Variants in TMPRSS3 observed in about 807,000 individuals in gnomAD.
The protein encoded by TMPRSS3 is transmembrane serine protease 3.
A neutral mutation model predicts 59.6 loss-of-function variants in TMPRSS3; 55 were observed. The observed-to-expected ratio is 0.92, with a 90% CI of 0.74 to 1.16. The LOEUF (loss-of-function observed/expected upper bound fraction) is 1.16, where lower values mean the gene tolerates loss of function less well. Among genes scored for constraint, TMPRSS3 ranks in the 50% most tolerant of loss-of-function variants. The pLI is 0.00. For synonymous variants in TMPRSS3, 257 were observed against 237.7 expected (o/e 1.08, Z -0.75); for missense variants, 596 against 579.4 (o/e 1.03, Z -0.29).
At chr21:42,386,449 G>A (rs757323774) in intron 5 of TMPRSS3, among the ~76,000 whole-genome samples, 5 of 152,220 alleles carry the variant, frequency 3.3e-5, no homozygotes, top group Admixed American at 1.3e-4. Flanking sequence ...TGAAAGAGCC[G>A]ATGGTTGCTG....
intron 3 of TMPRSS3, among the ~76,000 whole-genome samples, chr21:42,389,360 G>A (rs768546663): frequency 1.1e-4 from 16 of 152,290 alleles, no homozygotes; most frequent in African/African-American, 3.1e-4. Context: ...TGAGCCAGCC[G>A]AGCAAGGAGT....
At chr21:42,383,427 A>T (rs1327972365) in intron 7 of TMPRSS3, 1 of 601,062 alleles carries the variant, frequency 1.7e-6, no homozygotes, top group Non-Finnish European at 3.0e-6. Context: ...TGGGAAAAGC[A>T]CCTGCCCTGC....
At chr21:42,386,059 C>T (rs1439452915) in intron 5 of TMPRSS3, among the ~76,000 whole-genome samples, 1 of 152,184 alleles carries the variant, frequency 6.6e-6, no homozygotes, top group Admixed American at 6.5e-5. Context: ...GAAAGCGATT[C>T]CACGAACACC....
At chr21:42,385,682 A>C in intron 5 of TMPRSS3, 148 bp from the exon 6 acceptor site, 1 of 1,068,642 alleles carries the variant, frequency 9.4e-7, no homozygotes, top group Non-Finnish European at 1.4e-6. Flanking sequence ...CTTTGCCAAG[A>C]GAATGAAGTT....
chr21:42,390,642 C>T (rs2052721013), intron 2 of TMPRSS3, among the ~76,000 whole-genome samples: 1 of 152,160 alleles, frequency 6.6e-6, no homozygotes, highest in African/African-American at 2.4e-5. Context: ...GCATGAGAAT[C>T]GCTTGAACCT....
At chr21:42,374,923 AAGCTGC>A (rs1055738214) in intron 12 of TMPRSS3, among the ~76,000 whole-genome samples, 19 of 152,030 alleles carry the variant, frequency 1.2e-4, no homozygotes, top group Admixed American at 2.6e-4. Context: ...GTTTCTCCTA[AAGCTGC>A]AGTTTCTAAG....
chr21:42,376,707 T>C lies in TMPRSS3; in HGVS notation c.1049-24A>G. 2.5e-6 allele frequency: 4 copies of C among 1,613,316 alleles called. No homozygotes were observed. The South Asian group carries it at 4.4e-5, about 18-fold the overall frequency. The stretch of plus-strand genomic sequence containing the variant: ...ACCTGCTTCAAAGTGAGTGAGGGGA[T>C]GTGTGTGAGAAGGAAGCCCGGCCCA... On this transcript the variant is annotated intron_variant, in intron 10 of 12. Coordinates refer to ENST00000644384, the MANE Select transcript of TMPRSS3 (RefSeq NM_001256317.3).
chr21:42,375,492 C>A (rs1215067192), intron 12 of TMPRSS3, among the ~76,000 whole-genome samples: 1 of 152,046 alleles, frequency 6.6e-6, no homozygotes, highest in African/African-American at 2.4e-5. Context: ...CGGGCCCCAG[C>A]TCCTCTGCCT....
rs2052362934 is a variant in TMPRSS3 at position 42,373,103 on chromosome 21, G to C, written c.1345-324C>G. Among the ~76,000 whole-genome samples, 4 of 152,314 alleles carry C rather than the reference G, an allele frequency of 2.6e-5. No homozygotes were observed. In the South Asian group the frequency reaches 6.2e-4, roughly 24 times the overall value. ...CAATTTTGTTTTAAACCCCCAACTA[G>C]ATAGAGAAAAGTGCTGGATGAAAAT... On this transcript the variant is annotated intron_variant, in intron 12 of 12. Coordinates refer to ENST00000644384, the MANE Select transcript of TMPRSS3 (RefSeq NM_001256317.3).
chr21:42,387,296 C>A (rs1170751392), intron 5 of TMPRSS3, among the ~76,000 whole-genome samples: 1 of 151,890 alleles, frequency 6.6e-6, no homozygotes, highest in Non-Finnish European at 1.5e-5. Context: ...CCCCAACACC[C>A]CCCACCCAAT....
chr21:42,382,306 T>C, intron 8 of TMPRSS3, 72 bp from the exon 9 acceptor site: 2 of 1,393,564 alleles, frequency 1.4e-6, no homozygotes, highest in Non-Finnish European at 2.0e-6. Context: ...TCAGGTATCC[T>C]GAAAACCTAG....
intron 2 of TMPRSS3, among the ~76,000 whole-genome samples, chr21:42,392,623 C>G (rs2052747412): frequency 6.6e-6 from 1 of 152,186 alleles, no homozygotes; most frequent in African/African-American, 2.4e-5. Flanking sequence ...CCAAGTCCTT[C>G]CAGGACAGCC....
chr21:42,385,553 G>C lies in TMPRSS3; in HGVS notation c.447-19C>G, dbSNP rs767469471. 5.0e-6 allele frequency: 8 copies of C among 1,613,798 alleles called. No homozygotes were observed. Among genetic ancestry groups the C allele is most frequent in the Non-Finnish European group, 5.9e-6 (7 of 1,179,878 alleles). On this transcript the variant is annotated intron_variant, in intron 5 of 12. Coordinates refer to ENST00000644384, the MANE Select transcript of TMPRSS3 (RefSeq NM_001256317.3). Reference sequence around the variant, plus strand: ...CACATAGCTGCAAGCACATTGGAAAGACAGACCCGACGTGGTAACTTTACA... The same window carrying C: ...CACATAGCTGCAAGCACATTGGAAACACAGACCCGACGTGGTAACTTTACA...
At position 42,383,359 on chromosome 21, in the gene TMPRSS3, G is replaced by A. The variant is rs575807274; in HGVS notation, c.617-161C>T. Reference sequence around the variant, plus strand: ...AGTGCTGCAAGGGGGAGCTCAGCAGGGGAGGTGGTCAGGCTCTTGGGGAGA... The same window carrying A: ...AGTGCTGCAAGGGGGAGCTCAGCAGAGGAGGTGGTCAGGCTCTTGGGGAGA... On this transcript the variant is annotated intron_variant, in intron 7 of 12. Transcript: ENST00000644384. 11 of 764,610 alleles carry A rather than the reference G, an allele frequency of 1.4e-5. No homozygotes were observed. The African/African-American group carries it at 1.7e-4, about 12-fold the overall frequency. 47.4% of individuals were successfully genotyped at this position (764,610 alleles called of 1,614,324 possible).
Position 42,380,127 on chromosome 21 carries a change from T to A in TMPRSS3, c.1038A>T (p.Thr346=), listed in dbSNP as rs200554019. The A allele has an allele frequency of 3.2e-5, 51 of 1,613,972 alleles. No homozygotes were observed. Among genetic ancestry groups the A allele is most frequent in the Non-Finnish European group, 1.6e-5 (19 of 1,179,890 alleles). ...KVCWTSGWGA[T]EDGGDASPVL... ...CTTCAGCCCACTGACCTCCATCCTC[T>A]GTGGCCCCCCATCCTGACGTCCAGC... The change falls in exon 10 of 13, where the codon ACA becomes ACT. Residue 346 remains threonine, a synonymous_variant. Coordinates refer to ENST00000644384, the MANE Select transcript of TMPRSS3 (RefSeq NM_001256317.3).
rs560318076 is a variant in TMPRSS3, at chr21:42,376,785, G to A, written c.1049-102C>T. ...GGGGGGTGAGGGAACGAGGGACGAG[G>A]GGGATGCTCTCTGGTGTGTCGCAAC... On this transcript the variant is annotated intron_variant, in intron 10 of 12. Coordinates refer to ENST00000644384, the MANE Select transcript of TMPRSS3 (RefSeq NM_001256317.3). 1.2e-5 allele frequency: 19 copies of A among 1,559,752 alleles called. No homozygotes were observed. In the South Asian group the frequency reaches 1.8e-4, roughly 15 times the overall value.
At chr21:42,389,136 G>T (rs1260336627) in intron 3 of TMPRSS3, 91 bp from the exon 4 acceptor site, 1 of 1,583,222 alleles carries the variant, frequency 6.3e-7, no homozygotes, top group Non-Finnish European at 8.6e-7. Flanking sequence ...TGCGGAGCTG[G>T]CCCGTGAATA....
chr21:42,373,901 G>A (rs932470882), intron 12 of TMPRSS3, among the ~76,000 whole-genome samples: 6 of 152,240 alleles, frequency 3.9e-5, no homozygotes, highest in African/African-American at 1.2e-4. Flanking sequence ...ACAGCTGGAA[G>A]ACACGGCGGT....
At chr21:42,393,256 A>T (rs2052757327) in intron 2 of TMPRSS3, among the ~76,000 whole-genome samples, 1 of 148,432 alleles carries the variant, frequency 6.7e-6, no homozygotes, top group Admixed American at 6.7e-5. Context: ...AGAAAAAGAA[A>T]AAAAAAAAGC....
Sources: gnomAD v4.1 joint callset for allele counts (sites outside exome capture counted in the v4.1 genomes callset) on GRCh38, gnomAD v4.1.1 for gene constraint, MANE v1.5 for transcripts, NCBI Gene and HGNC (gene_info 2026-07-23, HGNC 2026-07-21) for gene names.